The following RIN2 variants were observed in gnomAD, a reference collection of about 807,000 sequenced individuals.
The protein encoded by RIN2 is RAB5 interacting protein 2.
In RIN2, 36 loss-of-function variants were observed where a neutral mutation model predicts 78.0. That is an observed-to-expected ratio of 0.46 (90% CI 0.35 to 0.61). The LOEUF is 0.61. Among genes scored for constraint, RIN2 ranks in the 20% least tolerant of loss-of-function variants. The probability of loss-of-function intolerance (pLI) is 0.00; values close to 1 mark genes in which losing one functional copy is unlikely to be tolerated. For synonymous variants in RIN2, 466 were observed against 466.8 expected, an observed-to-expected ratio of 1.00 and a Z score of 0.02; for missense variants, 1,087 against 1,159.7, an observed-to-expected ratio of 0.94 and a Z score of 0.91.
At chr20:19,942,287 G>T (rs185617383) in intron 4 of RIN2, among the ~76,000 whole-genome samples, 50 of 152,240 alleles carry the variant, frequency 3.3e-4, no homozygotes, top group African/African-American at 1.1e-3. Context: ...GAGGACAGCA[G>T]ATGTCCCAAG....
intron 3 of RIN2, among the ~76,000 whole-genome samples, chr20:19,931,390 C>T (rs903793662): frequency 2.0e-5 from 3 of 152,174 alleles, no homozygotes; most frequent in African/African-American, 7.2e-5. Context: ...GTTCTCCCAC[C>T]TTGGCCTCCC....
At chr20:19,977,356 G>A (rs2235896) in intron 9 of RIN2, among the ~76,000 whole-genome samples, 45,352 of 152,070 alleles carry the variant, frequency 0.3, 7,305 homozygotes, top group East Asian at 0.61. Context: ...AGTTAAATTC[G>A]GATGTGGTAC....
chr20:19,960,461 AG>A (rs1401520259), intron 5 of RIN2, among the ~76,000 whole-genome samples: 2 of 152,204 alleles, frequency 1.3e-5, no homozygotes, highest in Non-Finnish European at 2.9e-5. Flanking sequence ...GGGAGTTCTT[AG>A]CCCCATGGAG....
At chr20:19,897,994 A>G (rs116650094) in intron 3 of RIN2, among the ~76,000 whole-genome samples, 1 of 152,210 alleles carries the variant, frequency 6.6e-6, no homozygotes, top group Admixed American at 6.5e-5. Context: ...GATTATTGGC[A>G]TGAGCTTTGG....
At chr20:19,853,665 G>C (rs1403627018) in intron 2 of RIN2, among the ~76,000 whole-genome samples, 2 of 152,182 alleles carry the variant, frequency 1.3e-5, no homozygotes, top group African/African-American at 2.4e-5. Flanking sequence ...GTGTCTGTTG[G>C]CTGCATAAAT....
In RIN2 at chr20:19,885,598, G is replaced by A. The variant is rs60951120; in HGVS notation, c.-36-3968G>A. 1.7e-3 allele frequency among the ~76,000 whole-genome samples: 263 copies of A among 152,048 alleles called. 2 individuals are homozygous for A. Among genetic ancestry groups the A allele is most frequent in the African/African-American group, 5.9e-3 (245 of 41,468 alleles). ...GGAGAATCACTTGAACCCTGGAGGC[G>A]GAAGCTAAAGTGAGCTGAGATGGTG... On this transcript the variant is annotated intron_variant, in intron 2 of 12. Coordinates refer to ENST00000255006, the MANE Select transcript of RIN2 (RefSeq NM_018993.4).
intron 7 of RIN2, among the ~76,000 whole-genome samples, chr20:19,965,530 G>A (rs1568672131): frequency 6.6e-6 from 1 of 152,186 alleles, no homozygotes; most frequent in Non-Finnish European, 1.5e-5. Flanking sequence ...TTGTCCTTCA[G>A]GCCAACTGGG....
intron 10 of RIN2, among the ~76,000 whole-genome samples, chr20:19,990,881 C>G (rs964135432): frequency 1.3e-5 from 2 of 152,166 alleles, no homozygotes. Flanking sequence ...GCTTCATTGG[C>G]TAGCCCTTCT....
At chr20:19,946,605 G>T (rs1168552750) in intron 4 of RIN2, among the ~76,000 whole-genome samples, 2 of 150,890 alleles carry the variant, frequency 1.3e-5, no homozygotes, top group African/African-American at 4.9e-5. Flanking sequence ...AGCTGCTCGG[G>T]AGGTTGAGGC....
intron 2 of RIN2, among the ~76,000 whole-genome samples, chr20:19,859,225 G>A (rs1384370417): frequency 6.6e-6 from 1 of 152,230 alleles, no homozygotes; most frequent in Non-Finnish European, 1.5e-5. Context: ...CTGGATGAGG[G>A]CAGGCAGGAT....
At chr20:19,764,925 T>TTTTTTTTTG in intron 1 of RIN2, among the ~76,000 whole-genome samples, 1 of 114,446 alleles carries the variant, frequency 8.7e-6, no homozygotes, top group South Asian at 2.9e-4. Flanking sequence ...TGCGTTTTTT[T>TTTTTTTTTG]TTTTTTTTTT....
At chr20:19,929,597 A>G (rs2040363335) in intron 3 of RIN2, among the ~76,000 whole-genome samples, 1 of 152,074 alleles carries the variant, frequency 6.6e-6, no homozygotes, top group Non-Finnish European at 1.5e-5. Flanking sequence ...CCTGACCTCA[A>G]GTGAACCGCC....
At chr20:19,788,435 A>AAAAAAAAAAAAAAACAAAAAC (rs2034763751) in intron 1 of RIN2, among the ~76,000 whole-genome samples, 3 of 137,864 alleles carry the variant, frequency 2.2e-5, no homozygotes, top group East Asian at 2.5e-4. Context: ...TCTCTGCCAA[A>AAAAAAAAAAAAAAACAAAAAC]AAAAAAAAAA....
At chr20:19,779,243 T>C (rs547296608) in intron 1 of RIN2, among the ~76,000 whole-genome samples, 4 of 152,250 alleles carry the variant, frequency 2.6e-5, no homozygotes, top group African/African-American at 9.6e-5. Flanking sequence ...CAGTTTTATA[T>C]AGCAAATGCT....
chr20:19,859,674 C>T (rs2037274962), intron 2 of RIN2, among the ~76,000 whole-genome samples: 2 of 152,240 alleles, frequency 1.3e-5, no homozygotes, highest in Admixed American at 1.3e-4. Context: ...CCGCACATAA[C>T]TCCTTCCTAA....
In RIN2 at chr20:19,970,881, A is replaced by G; in HGVS notation, c.580A>G (p.Thr194Ala). The G allele has an allele frequency of 6.2e-7, 1 of 1,613,780 alleles. No individual in the cohort carries two copies. Among genetic ancestry groups the G allele is most frequent in the South Asian group, 1.1e-5 (1 of 90,940 alleles). ...CTTGAAGTTGCCTTATGCCATTTCA[A>G]CAGCCAAGTCGGAGGCTCAGCTTGA... ...FTLKLPYAIS[T>A]AKSEAQLEEL... Residue 194 changes from threonine to alanine, a missense_variant, in exon 8 of 13, where the codon ACA becomes GCA. By Grantham distance (58) the Thr-to-Ala change is moderately conservative. Coordinates refer to ENST00000255006, the MANE Select transcript of RIN2 (RefSeq NM_018993.4).
In RIN2 at chr20:19,945,683, AT is replaced by A. The variant is rs548749035; in HGVS notation, c.158+10494del. On this transcript the variant is annotated intron_variant, in intron 4 of 12. Transcript: ENST00000255006. ...GACTTTTCTTTTTATCTTTCTTATCATTTTTTTTTTCACTATGTAGACTGCA... is the reference window on the plus strand; with the variant it reads ...GACTTTTCTTTTTATCTTTCTTATCATTTTTTTTTCACTATGTAGACTGCA... Among the ~76,000 whole-genome samples the A allele has an allele frequency of 3.1e-4, 46 of 147,056 alleles. 2 individuals are homozygous for A. The South Asian group carries it at 8.9e-3, about 28-fold the overall frequency.
chr20:19,833,432 A>T (rs1323909407), intron 2 of RIN2, among the ~76,000 whole-genome samples: 2 of 151,968 alleles, frequency 1.3e-5, no homozygotes, highest in East Asian at 3.9e-4. Context: ...CCCCAACAGG[A>T]CCCGGTATGT....
intron 1 of RIN2, among the ~76,000 whole-genome samples, chr20:19,766,303 A>T (rs2033881767): frequency 6.6e-6 from 1 of 152,188 alleles, no homozygotes; most frequent in East Asian, 1.9e-4. Context: ...TAGACCACAT[A>T]TATGATCTAA....
Sources: gnomAD v4.1 joint callset for allele counts (sites outside exome capture counted in the v4.1 genomes callset) on GRCh38, gnomAD v4.1.1 for gene constraint, MANE v1.5 for transcripts, NCBI Gene and HGNC (gene_info 2026-07-23, HGNC 2026-07-21) for gene names.